Variants in CERKL observed in about 807,000 individuals in gnomAD.
CERKL encodes ceramide kinase-like protein.
A neutral mutation model predicts 63.4 loss-of-function variants in CERKL; 61 were observed. The ratio of observed to expected loss-of-function variants is 0.96; its 90% CI spans 0.78 to 1.19. CERKL has a LOEUF of 1.19. Ranked by LOEUF, CERKL falls within the 50% of genes most tolerant of loss-of-function variation. The pLI is 0.00. For synonymous variants in CERKL, 250 were observed against 230.5 expected (o/e 1.08, Z -0.77); for missense variants, 675 against 655.5 (o/e 1.03, Z -0.33).
intron 2 of CERKL, among the ~76,000 whole-genome samples, chr2:181,601,545 G>C (rs534324220): frequency 6.6e-6 from 1 of 152,334 alleles, no homozygotes; most frequent in Non-Finnish European, 1.5e-5. Flanking sequence ...CAGGGTGACA[G>C]AGTGAGACTC....
intron 12 of CERKL, 52 bp from the exon 13 acceptor site, chr2:181,538,296 C>CA: frequency 1.9e-6 from 2 of 1,061,694 alleles, no homozygotes; most frequent in South Asian, 2.6e-5. Flanking sequence ...TTTTCACATA[C>CA]ACCTAATAAG....
chr2:181,571,505 C>A (rs1041541120), intron 3 of CERKL, among the ~76,000 whole-genome samples: 1 of 151,962 alleles, frequency 6.6e-6, no homozygotes, highest in African/African-American at 2.4e-5. Flanking sequence ...ATCTCTTTTT[C>A]TCTCTTCCTT....
At chr2:181,551,530 C>A (rs1687987674) in intron 5 of CERKL, among the ~76,000 whole-genome samples, 1 of 150,958 alleles carries the variant, frequency 6.6e-6, no homozygotes. Context: ...CAAAAGAAGA[C>A]ATTTATGTGG....
At chr2:181,653,200 C>T (rs1204048147) in intron 1 of CERKL, among the ~76,000 whole-genome samples, 1 of 152,138 alleles carries the variant, frequency 6.6e-6, no homozygotes, top group African/African-American at 2.4e-5. Context: ...AAATCAAAAC[C>T]ACAATTAGAT....
intron 1 of CERKL, among the ~76,000 whole-genome samples, chr2:181,641,038 T>C (rs1472450142): frequency 6.6e-6 from 1 of 152,150 alleles, no homozygotes; most frequent in African/African-American, 2.4e-5. Context: ...ATAACATTAG[T>C]CTCCAGACGT....
chr2:181,589,684 T>C (rs910883304), intron 2 of CERKL, among the ~76,000 whole-genome samples: 1 of 152,164 alleles, frequency 6.6e-6, no homozygotes, highest in African/African-American at 2.4e-5. Flanking sequence ...GGACTAGAGA[T>C]CTAAAATTCA....
chr2:181,645,128 C>T (rs1382499186), intron 1 of CERKL, among the ~76,000 whole-genome samples: 1 of 152,108 alleles, frequency 6.6e-6, no homozygotes, highest in African/African-American at 2.4e-5. Flanking sequence ...AATCAAGGCA[C>T]CCATACTTTT....
In CERKL at chr2:181,537,613, T is replaced by C. The variant is rs1324246221; in HGVS notation, c.*571A>G. 2 of 430,600 alleles carry C rather than the reference T, an allele frequency of 4.6e-6. No homozygotes were observed. The highest frequency in any genetic ancestry group is 9.1e-6 in the Non-Finnish European group (2 of 219,130). The allele number at this position is 430,600 out of a possible 1,614,324, so 26.7% of individuals were successfully genotyped here. A position where few individuals can be genotyped will look rare whatever the true frequency, so the allele number is the denominator to read the frequency against. On this transcript the variant is annotated 3_prime_UTR_variant, in exon 13 of 13. Transcript: ENST00000410087. The stretch of plus-strand genomic sequence containing the variant: ...TATTTGTAACAGAATATAGGAAATT[T>C]AACATAATTGATGAGCTCAAATCCT...
intron 1 of CERKL, among the ~76,000 whole-genome samples, chr2:181,640,049 C>T: frequency 6.6e-6 from 1 of 152,116 alleles, no homozygotes. Flanking sequence ...AAGTTCATAA[C>T]ACCATGCCAA....
chr2:181,574,672 A>G (rs1689047359), intron 2 of CERKL, among the ~76,000 whole-genome samples: 1 of 152,182 alleles, frequency 6.6e-6, no homozygotes, highest in Non-Finnish European at 1.5e-5. Context: ...GAGCAAAAAG[A>G]AAGCTGACAA....
intron 1 of CERKL, among the ~76,000 whole-genome samples, chr2:181,613,267 G>A (rs568835743): frequency 6.6e-6 from 1 of 152,194 alleles, no homozygotes; most frequent in East Asian, 1.9e-4. Context: ...TTTAAATCTA[G>A]CCAAATTTAA....
intron 3 of CERKL, among the ~76,000 whole-genome samples, chr2:181,569,203 T>C (rs558865425): frequency 1.3e-5 from 2 of 152,280 alleles, no homozygotes; most frequent in Non-Finnish European, 2.9e-5. Flanking sequence ...ACTGGCCATA[T>C]ACACCCACAA....
chr2:181,608,816 T>C (rs1685832478), intron 1 of CERKL, among the ~76,000 whole-genome samples: 1 of 152,056 alleles, frequency 6.6e-6, no homozygotes, highest in African/African-American at 2.4e-5. Context: ...GTTATCATAA[T>C]TTTTTTTGTA....
chr2:181,583,999 C>T (rs1004255825), intron 2 of CERKL, among the ~76,000 whole-genome samples: 1 of 152,132 alleles, frequency 6.6e-6, no homozygotes, highest in Non-Finnish European at 1.5e-5. Flanking sequence ...TAGAGCTACA[C>T]ACTGCAGCAT....
At position 181,614,520 on chromosome 2, in the gene CERKL, C is replaced by T. The variant is rs949211887; in HGVS notation, c.239-10441G>A. ...ATTTTCCATATGAATCACAAAAATA[C>T]TGCTTTTTGTTTATAAAATTTTACT... On this transcript the variant is annotated intron_variant, in intron 1 of 12. Transcript: ENST00000410087. Among the ~76,000 whole-genome samples the T allele has an allele frequency of 2.6e-5, 4 of 152,214 alleles. No individual in the cohort carries two copies. The South Asian group carries it at 8.3e-4, about 32-fold the overall frequency.
chr2:181,583,864 A>G (rs1219822077), intron 2 of CERKL, among the ~76,000 whole-genome samples: 1 of 152,238 alleles, frequency 6.6e-6, no homozygotes, highest in African/African-American at 2.4e-5. Flanking sequence ...AAAGTTAACT[A>G]TAAAAGACAT....
chr2:181,547,664 G>C lies in CERKL; in HGVS notation c.1222C>G (p.Pro408Ala), dbSNP rs1408554221. The C allele has an allele frequency of 1.9e-6, 3 of 1,613,984 alleles. No homozygotes were observed. The highest frequency in any genetic ancestry group is 1.7e-6 in the Non-Finnish European group (2 of 1,179,940). ...QFLNVSIMAI[P>A]CLCSVAPRGL... is the part of the protein sequence containing the mutation. ...CTAGGTGCCACTGAACACAGGCAAG[G>C]AATTGCCATAATGCTGACATTCAAG... is the stretch of plus-strand genomic sequence containing the variant. Residue 408 changes from proline to alanine, a missense_variant, in exon 10 of 13, where the codon CCT becomes GCT. Coordinates refer to ENST00000410087, the MANE Select transcript of CERKL (RefSeq NM_201548.5).
intron 2 of CERKL, among the ~76,000 whole-genome samples, chr2:181,580,179 G>A (rs1684441678): frequency 6.6e-6 from 1 of 151,890 alleles, no homozygotes; most frequent in African/African-American, 2.4e-5. Flanking sequence ...CAATTTTTCT[G>A]TATAGAAACA....
intron 1 of CERKL, among the ~76,000 whole-genome samples, chr2:181,621,593 T>A (rs1427855205): frequency 6.6e-5 from 10 of 152,224 alleles, no homozygotes; most frequent in Non-Finnish European, 1.3e-4. Flanking sequence ...TTATAATTTC[T>A]TCTCCATGCC....
Sources: gnomAD v4.1 joint callset for allele counts (sites outside exome capture counted in the v4.1 genomes callset) on GRCh38, gnomAD v4.1.1 for gene constraint, MANE v1.5 for transcripts, NCBI Gene and HGNC (gene_info 2026-07-23, HGNC 2026-07-21) for gene names.